Variants in EPS15 observed in about 807,000 individuals in gnomAD.
EPS15 encodes epidermal growth factor receptor pathway substrate 15, also known as epidermal growth factor receptor substrate 15.
A neutral mutation model predicts 113.8 loss-of-function variants in EPS15; 72 were observed. The observed-to-expected ratio is 0.63, with a 90% CI of 0.52 to 0.77. The LOEUF (loss-of-function observed/expected upper bound fraction) is 0.77. Ranked by LOEUF, EPS15 falls within the 30% of genes least tolerant of loss-of-function variation. The probability of loss-of-function intolerance (pLI) is 0.00; values close to 1 mark genes in which losing one functional copy is unlikely to be tolerated. For synonymous variants in EPS15, 344 were observed against 363.4 expected, an observed-to-expected ratio of 0.95 and a Z score of 0.61; for missense variants, 1,048 against 1,045.8, an observed-to-expected ratio of 1.00 and a Z score of -0.03.
intron 1 of EPS15, among the ~76,000 whole-genome samples, chr1:51,483,398 AGTGTGTGT>A (rs58892404): frequency 0.025 from 3,510 of 141,758 alleles, 122 homozygotes; most frequent in African/African-American, 0.073. Flanking sequence ...CAAGACTGCA[AGTGTGTGT>A]GTGTGTGTGT....
chr1:51,422,279 A>G (rs919555504), intron 12 of EPS15, among the ~76,000 whole-genome samples: 12 of 152,224 alleles, frequency 7.9e-5, no homozygotes, highest in African/African-American at 2.9e-4. Flanking sequence ...AAAACAGTCA[A>G]CAATACTAAG....
chr1:51,368,673 C>T (rs184168908), intron 21 of EPS15, among the ~76,000 whole-genome samples: 3 of 151,636 alleles, frequency 2.0e-5, no homozygotes, highest in African/African-American at 7.3e-5. Flanking sequence ...TCTCGGCTCA[C>T]TGCAACCTCT....
intron 1 of EPS15, among the ~76,000 whole-genome samples, chr1:51,486,353 A>C (rs2148529722): frequency 6.7e-6 from 1 of 148,412 alleles, no homozygotes; most frequent in African/African-American, 2.5e-5. Context: ...TTAAGCCAGG[A>C]GGCAGAGGTT....
intron 12 of EPS15, among the ~76,000 whole-genome samples, chr1:51,432,365 T>C (rs1651809900): frequency 6.6e-6 from 1 of 151,808 alleles, no homozygotes; most frequent in African/African-American, 2.4e-5. Flanking sequence ...TAATAGAGAC[T>C]TGCTTTGTTG....
intron 8 of EPS15, among the ~76,000 whole-genome samples, chr1:51,454,824 A>G (rs1653855148): frequency 6.6e-6 from 1 of 152,188 alleles, no homozygotes; most frequent in Non-Finnish European, 1.5e-5. Flanking sequence ...CAGATGTACC[A>G]TGGTAATGTA....
intron 1 of EPS15, among the ~76,000 whole-genome samples, chr1:51,504,563 T>C (rs1644465793): frequency 6.6e-6 from 1 of 151,892 alleles, no homozygotes; most frequent in Admixed American, 6.6e-5. Flanking sequence ...TACAACTCAA[T>C]AATAAAAAGA....
At chr1:51,375,417 T>G (rs1646774289) in intron 21 of EPS15, among the ~76,000 whole-genome samples, 1 of 152,220 alleles carries the variant, frequency 6.6e-6, no homozygotes. Context: ...TTTTGAAAGC[T>G]TAACAATTCC....
intron 8 of EPS15, chr1:51,458,610 G>T: frequency 2.3e-6 from 1 of 429,552 alleles, no homozygotes; most frequent in East Asian, 8.2e-5. Context: ...GGTGGTGCAT[G>T]CCTGTAATCC....
rs1314067730 is a variant in EPS15, at chr1:51,466,911, A to G, written c.309+1562T>C. Among the ~76,000 whole-genome samples the G allele has an allele frequency of 2.0e-5, 3 of 152,236 alleles. No homozygotes were observed. In the East Asian group the frequency reaches 5.8e-4, roughly 29 times the overall value. ...ACAAAATAGGAAAAAAAGACTTGCA[A>G]CTCATACAGACAAAGAGTTAATGTC... On this transcript the variant is annotated intron_variant, in intron 5 of 24. Coordinates refer to ENST00000371733, the MANE Select transcript of EPS15 (RefSeq NM_001981.3).
intron 1 of EPS15, among the ~76,000 whole-genome samples, chr1:51,507,724 G>A (rs574426778): frequency 1.3e-5 from 2 of 151,518 alleles, no homozygotes; most frequent in South Asian, 4.2e-4. Flanking sequence ...ACATATATAT[G>A]TGTGTGTGTG....
chr1:51,358,717 T>G (rs895461088), intron 24 of EPS15, among the ~76,000 whole-genome samples: 17 of 150,006 alleles, frequency 1.1e-4, no homozygotes, highest in East Asian at 3.9e-4. Context: ...TTGTTTTTTT[T>G]TTTTTTTTTG....
intron 8 of EPS15, chr1:51,460,862 G>A (rs1654383584): frequency 2.6e-6 from 1 of 385,894 alleles, no homozygotes; most frequent in Non-Finnish European, 4.7e-6. Flanking sequence ...GCTGAGGCAC[G>A]AGAATTACTT....
intron 12 of EPS15, among the ~76,000 whole-genome samples, chr1:51,429,124 G>A (rs553852045): frequency 1.3e-5 from 2 of 152,210 alleles, no homozygotes; most frequent in South Asian, 4.1e-4. Flanking sequence ...TCCCATCTTG[G>A]CTTCCATATT....
chr1:51,498,370 A>G (rs1644361177), intron 1 of EPS15, among the ~76,000 whole-genome samples: 1 of 152,200 alleles, frequency 6.6e-6, no homozygotes, highest in Admixed American at 6.5e-5. Context: ...TTTTAACTTT[A>G]CAACAGTACA....
intron 12 of EPS15, among the ~76,000 whole-genome samples, chr1:51,433,380 C>T (rs888316123): frequency 2.0e-5 from 3 of 152,194 alleles, no homozygotes; most frequent in Non-Finnish European, 4.4e-5. Context: ...ATTCATATTT[C>T]CATTTTACAG....
chr1:51,440,248 G>A, intron 12 of EPS15, 99 bp downstream of exon 12: 1 of 450,538 alleles, frequency 2.2e-6, no homozygotes, highest in East Asian at 3.2e-5. Flanking sequence ...GTGTGTGTGG[G>A]GAGGAAGTTG....
intron 23 of EPS15, among the ~76,000 whole-genome samples, chr1:51,363,513 C>A (rs1646436525): frequency 6.6e-6 from 1 of 151,940 alleles, no homozygotes; most frequent in South Asian, 2.1e-4. Context: ...ATTAAAACAC[C>A]AAAGTACAGG....
chr1:51,457,683 G>T (rs1046077213), intron 8 of EPS15: 1 of 151,902 alleles, frequency 6.6e-6, no homozygotes, highest in Non-Finnish European at 1.5e-5. Flanking sequence ...CAAAAGTTTT[G>T]ACTGTAACTT....
At chr1:51,373,708 A>G (rs1159545435) in intron 21 of EPS15, among the ~76,000 whole-genome samples, 4 of 152,122 alleles carry the variant, frequency 2.6e-5, no homozygotes, top group African/African-American at 4.8e-5. Flanking sequence ...CATATTATTT[A>G]CCTTCAAAGA....
Sources: allele counts gnomAD v4.1 joint callset (sites outside exome capture counted in the v4.1 genomes callset), GRCh38; gene constraint gnomAD v4.1.1; transcripts MANE v1.5; gene names NCBI Gene and HGNC (gene_info 2026-07-23, HGNC 2026-07-21).